Variants in CLN3 observed in about 807,000 individuals in gnomAD.
CLN3 encodes the protein CLN3 lysosomal/endosomal transmembrane protein, battenin, also known as battenin.
A neutral mutation model predicts 60.7 loss-of-function variants in CLN3; 49 were observed. That is an observed-to-expected ratio of 0.81 (90% CI 0.64 to 1.02). The LOEUF is 1.02. Ranked by LOEUF, CLN3 falls within the 50% of genes least tolerant of loss-of-function variation. The pLI is 0.00. For missense variants in CLN3, 516 were observed against 557.4 expected, an observed-to-expected ratio of 0.93 and a Z score of 0.75; for synonymous variants, 256 against 245.8, an observed-to-expected ratio of 1.04 and a Z score of -0.39.
Position 28,482,612 on chromosome 16 carries a change from G to A in CLN3, c.837+14C>T. 6.2e-7 allele frequency: 1 copy of A among 1,614,164 alleles called. No homozygotes were observed. Among genetic ancestry groups the A allele is most frequent in the African/African-American group, 1.3e-5 (1 of 75,052 alleles). On this transcript the variant is annotated intron_variant, in intron 11 of 15. Coordinates refer to ENST00000636147, the MANE Select transcript of CLN3 (RefSeq NM_001042432.2). ...GCAAGCCCCACAGGGACATACCCCA[G>A]CCATCATCCGAACCTTGAACACTGT...
At chr16:28,474,171 G>A (rs2045973392), downstream of CLN3, 1 of 152,304 alleles carries the variant, frequency 6.6e-6, no homozygotes, top group Non-Finnish European at 1.5e-5. Flanking sequence ...GGGAGGCTGA[G>A]GCAGAAGAAT....
Position 28,477,863 on chromosome 16 carries a change from C to T in CLN3, c.1071G>A (p.Val357=), listed in dbSNP as rs146467602. The T allele has an allele frequency of 1.2e-6, 2 of 1,613,926 alleles. No individual in the cohort carries two copies. Among genetic ancestry groups the T allele is most frequent in the South Asian group, 2.2e-5 (2 of 91,086 alleles). ...CGAACCACACGTCTGCCAGCAGGAA[C>T]ACCAGGTTGAGGCACTGTGAACAGG... is the stretch of plus-strand genomic sequence containing the variant. The part of the protein sequence containing the change: ...ALALLQCLNL[V]FLLADVWFGF... The change falls in exon 15 of 16, where the codon GTG becomes GTA. Residue 357 remains valine, a synonymous_variant. Transcript: ENST00000636147.
chr16:28,482,949 C>T (rs2046128363), intron 10 of CLN3, among the ~76,000 whole-genome samples: 1 of 151,810 alleles, frequency 6.6e-6, no homozygotes, highest in African/African-American at 2.4e-5. Context: ...ACTAAAAATA[C>T]AAAAATTAGC....
chr16:28,478,899 A>G (rs1212000198), intron 14 of CLN3, among the ~76,000 whole-genome samples: 5 of 152,164 alleles, frequency 3.3e-5, no homozygotes, highest in Non-Finnish European at 7.4e-5. Context: ...CCGTTGGTTC[A>G]CTATGGTAAA....
chr16:28,479,672 G>C (rs1203461419), intron 14 of CLN3: 1 of 178,202 alleles, frequency 5.6e-6, no homozygotes, highest in Non-Finnish European at 1.2e-5. Context: ...GGAAGGCTGA[G>C]GCTTGAGAAT....
intron 4 of CLN3, among the ~76,000 whole-genome samples, chr16:28,489,035 C>T (rs1391471769): frequency 2.6e-5 from 4 of 152,102 alleles, no homozygotes; most frequent in Non-Finnish European, 4.4e-5. Flanking sequence ...CTGAATAGCT[C>T]AGACTACAGG....
chr16:28,491,631 C>T (rs779794309), intron 2 of CLN3, 71 bp from the exon 3 acceptor site: 9 of 1,613,498 alleles, frequency 5.6e-6, no homozygotes, highest in South Asian at 3.3e-5. Context: ...CGTGTCCTCC[C>T]GGGGCCGAGT....
At chr16:28,486,971 C>T (rs80216869) in intron 7 of CLN3, 14 of 404,962 alleles carry the variant, frequency 3.5e-5, no homozygotes, top group African/African-American at 8.2e-5. Flanking sequence ...AGTACAGTGG[C>T]GTGATCTCGG....
chr16:28,486,313 G>A, intron 9 of CLN3, 34 bp downstream of exon 9: 1 of 1,610,602 alleles, frequency 6.2e-7, no homozygotes, highest in Non-Finnish European at 8.5e-7. Flanking sequence ...TTCTCTCCTT[G>A]GACCCCTCTC....
At chr16:28,489,262 A>ATGG in intron 4 of CLN3, 28 bp downstream of exon 4, 2 of 1,549,996 alleles carry the variant, frequency 1.3e-6, no homozygotes, top group Non-Finnish European at 1.8e-6. Flanking sequence ...GGGACTAACC[A>ATGG]TGGTGGTGGT....
chr16:28,480,410 T>C (rs1555467782), intron 14 of CLN3, among the ~76,000 whole-genome samples: 2 of 150,386 alleles, frequency 1.3e-5, no homozygotes, highest in Non-Finnish European at 3.0e-5. Flanking sequence ...TCCTAAGTCT[T>C]TTTTTTTGGA....
chr16:28,491,218 C>T (rs2046308250), intron 3 of CLN3, among the ~76,000 whole-genome samples: 1 of 152,078 alleles, frequency 6.6e-6, no homozygotes, highest in Non-Finnish European at 1.5e-5. Flanking sequence ...AATATGTGCA[C>T]TAAAAAACGT....
At chr16:28,468,799 T>C in the CLN3 span, among the ~76,000 whole-genome samples, 7 of 82,826 alleles carry the variant, frequency 8.5e-5, no homozygotes, top group African/African-American at 2.0e-4. Context: ...AGAGTGAGAC[T>C]CTGTCTCAAA....
downstream of CLN3, among the ~76,000 whole-genome samples, chr16:28,472,800 CAAAAAA>C (rs34795595): frequency 2.4e-5 from 2 of 85,040 alleles, no homozygotes; most frequent in Admixed American, 1.2e-4. Context: ...AACTCTGTTT[CAAAAAA>C]AAAAAAAAAA....
intron 14 of CLN3, among the ~76,000 whole-genome samples, chr16:28,481,556 A>G (rs2046097026): frequency 4.6e-5 from 7 of 152,018 alleles, no homozygotes; most frequent in South Asian, 4.1e-4. Flanking sequence ...GCCACACCCA[A>G]TTTATACATG....
downstream of CLN3, among the ~76,000 whole-genome samples, chr16:28,473,574 T>C (rs754214796): frequency 2.0e-5 from 3 of 152,108 alleles, no homozygotes; most frequent in Admixed American, 6.6e-5. Context: ...AAACAAAAAA[T>C]AGATAAATTG....
At position 28,489,355 on chromosome 16, in the gene CLN3, C is replaced by T. The variant is rs750643595; in HGVS notation, c.157G>A (p.Val53Met). The T allele has an allele frequency of 6.2e-7, 1 of 1,613,332 alleles. No individual in the cohort carries two copies. Among genetic ancestry groups the T allele is most frequent in the Non-Finnish European group, 8.5e-7 (1 of 1,179,698 alleles). Residue 53 changes from valine (V) to methionine (M), a missense_variant, in exon 4 of 16, where the codon GTG becomes ATG. By Grantham distance (21) the Val-to-Met change is conservative (BLOSUM62 1). Transcript: ENST00000636147. ...TCGTGGGCGGCACTCAGCATCACCA[C>T]ATAAGAGAAGTTGTTGCAAAGGCCC... ...LLGLCNNFSYVVMLSAAHDIL... is the reference protein window; with the variant it reads ...LLGLCNNFSYMVMLSAAHDIL...
intron 3 of CLN3, among the ~76,000 whole-genome samples, chr16:28,490,643 T>C (rs894100860): frequency 4.8e-5 from 7 of 144,786 alleles, no homozygotes; most frequent in African/African-American, 1.8e-4. Flanking sequence ...GCCTGTAGTC[T>C]CAGCTACTCC....
intron 7 of CLN3, chr16:28,486,900 A>T: frequency 1.8e-6 from 1 of 570,784 alleles, no homozygotes; most frequent in Non-Finnish European, 3.1e-6. Context: ...CTGCCCCTTC[A>T]TCAGTCTTTT....
Sources: allele counts gnomAD v4.1 joint callset (sites outside exome capture counted in the v4.1 genomes callset), GRCh38; gene constraint gnomAD v4.1.1; transcripts MANE v1.5; gene names NCBI Gene and HGNC (gene_info 2026-07-23, HGNC 2026-07-21).